The following NOC2L variants were observed in gnomAD, a reference collection of about 807,000 sequenced individuals.
The protein encoded by NOC2L is NOC2 like nucleolar associated transcriptional repressor.
NOC2L carries 101 observed loss-of-function variants against 94.2 expected under a neutral mutation model. That is an observed-to-expected ratio of 1.07 (90% CI 0.91 to 1.26). NOC2L has a LOEUF of 1.26. NOC2L is among the 50% of genes most tolerant of loss of function. The pLI is 0.00. For missense variants in NOC2L, 1,076 were observed against 980.1 expected (o/e 1.10, Z -1.31); for synonymous variants, 531 against 413.4 (o/e 1.28, Z -3.45).
At position 951,153 on chromosome 1, in the gene NOC2L, T is replaced by C. The variant is rs749112228; in HGVS notation, c.1417A>G (p.Ile473Val). ...TCCAGGATGAAAGGCAGCACCGGGA[T>C]GAAGGCCCCCGAGCTCCCCGAGAGC... ...TLLSGSSGAFIPVLPFILEMF... is the reference protein window; with the variant it reads ...TLLSGSSGAFVPVLPFILEMF... Residue 473 changes from isoleucine (I) to valine (V), a missense_variant, in exon 12 of 19, where the codon ATC becomes GTC. Physicochemically the swap from Ile to Val is conservative, Grantham distance 29 (BLOSUM62 3). Transcript: ENST00000327044. The C allele has an allele frequency of 4.5e-5, 71 of 1,590,770 alleles. No individual in the cohort carries two copies. The South Asian group carries it at 7.9e-4, about 18-fold the overall frequency.
At chr1:956,054 C>T (rs375103488) in intron 5 of NOC2L, 41 bp from the exon 6 acceptor site, 57 of 1,614,080 alleles carry the variant, frequency 3.5e-5, no homozygotes, top group South Asian at 2.7e-4. Context: ...GGACAGAGAA[C>T]GCAACAGACA....
rs1642323898 is a variant in NOC2L at position 953,782 on chromosome 1, C to T, written c.888G>A (p.Lys296=). The change falls in exon 8 of 19, where the codon AAG becomes AAA. Residue 296 remains lysine (K), a splice_region_variant and synonymous_variant. Coordinates refer to ENST00000327044, the MANE Select transcript of NOC2L (RefSeq NM_015658.4). ...TFPKQCRMLL[K]RMVIVWSTGE... is the part of the protein sequence containing the mutation. ...ACAGGGAGGGGACTGGGCCACGAACCTTGAGCAGCATGCGGCACTGCTTGG... is the reference window on the plus strand; with the variant it reads ...ACAGGGAGGGGACTGGGCCACGAACTTTGAGCAGCATGCGGCACTGCTTGG... 2.5e-6 allele frequency: 4 copies of T among 1,610,238 alleles called. 1 individual carries two copies. In the South Asian group the frequency reaches 3.3e-5, roughly 13 times the overall value.
At position 956,007 on chromosome 1, in the gene NOC2L, T is replaced by C. The variant is rs779047181; in HGVS notation, c.614A>G (p.Asn205Ser). The stretch of plus-strand genomic sequence containing the variant: ...TCTGATGCAGAAGGTAACCAGAGCA[T>C]TGAATGCTGCAACGAAAAGGCCTGG... ...KFQVTDSAAF[N>S]ALVTFCIRDL... is the part of the protein sequence containing the mutation. Residue 205 changes from asparagine (N) to serine (S), a missense_variant, in exon 6 of 19, where the codon AAT becomes AGT. By Grantham distance (46) the Asn-to-Ser change is conservative (BLOSUM62 1). This residue lies in a region of NOC2L where 457 missense variants were observed against 386.0 expected (regional missense o/e 1.18). Transcript: ENST00000327044. The C allele has an allele frequency of 1.2e-6, 2 of 1,613,528 alleles. No homozygotes were observed. Among genetic ancestry groups the C allele is most frequent in the African/African-American group, 1.3e-5 (1 of 74,848 alleles).
At chr1:955,884 ACCTTCCACCCTACCCC>A in intron 6 of NOC2L, 23 bp downstream of exon 6, 1 of 1,462,846 alleles carries the variant, frequency 6.8e-7, no homozygotes, top group Non-Finnish European at 9.6e-7. Context: ...GTCCCGACCC[ACCTTCCACCCTACCCC>A]CCTTCACCCC....
At chr1:951,303 T>A (rs1642255141) in intron 11 of NOC2L, 65 bp from the exon 12 acceptor site, 1 of 1,259,664 alleles carries the variant, frequency 7.9e-7, no homozygotes, top group Non-Finnish European at 1.1e-6. Context: ...CTCCCCCTGC[T>A]GTCTTGGACC....
chr1:957,477 C>A (rs1377731075), intron 2 of NOC2L: 2 of 585,408 alleles, frequency 3.4e-6, no homozygotes, highest in Non-Finnish European at 3.0e-6. Context: ...GCCCCCCAGC[C>A]GCGGTCTTCC....
rs1356907049 is a variant in NOC2L, at chr1:945,533, C to T, written c.2038G>A (p.Gly680Arg). 3 of 1,613,886 alleles carry T rather than the reference C, an allele frequency of 1.9e-6. No individual in the cohort carries two copies. The highest frequency in any genetic ancestry group is 4.5e-5 in the East Asian group (2 of 44,888). Residue 680 changes from glycine (G) to arginine (R), a missense_variant, in exon 17 of 19, where the codon GGA becomes AGA. This residue lies in a region of NOC2L where 615 missense variants were observed against 577.4 expected (regional missense o/e 1.07). Transcript: ENST00000327044. The stretch of plus-strand genomic sequence containing the variant: ...CAGGCCCCACCTCTCTCCGAGAATC[C>T]CTCGGTGTCGTCCTCTTCAGAGCTG... ...LNSSEEDDTE[G>R]FSERGILRPL...
chr1:957,204 G>A lies in NOC2L; in HGVS notation c.249C>T (p.Phe83=). 2 of 1,613,982 alleles carry A rather than the reference G, an allele frequency of 1.2e-6. No individual in the cohort carries two copies. The highest frequency in any genetic ancestry group is 1.7e-6 in the Non-Finnish European group (2 of 1,180,030). ...LSRLKDRDPE[F]YKFLQENDQS... Reference sequence around the variant, plus strand: ...GGTCATTCTCCTGCAGGAACTTGTAGAACTCGGGGTCTCTGTCCTTCAGCC... The same window carrying A: ...GGTCATTCTCCTGCAGGAACTTGTAAAACTCGGGGTCTCTGTCCTTCAGCC... The change falls in exon 3 of 19, where the codon TTC becomes TTT. Residue 83 remains phenylalanine (F), a synonymous_variant. Transcript: ENST00000327044.
chr1:948,283 G>GCCCCTTC, intron 13 of NOC2L, 51 bp from the exon 14 acceptor site: 1 of 1,441,370 alleles, frequency 6.9e-7, no homozygotes, highest in South Asian at 1.2e-5. Flanking sequence ...CTGGGGCTGG[G>GCCCCTTC]CACTCAGGCC....
chr1:946,799 T>C, intron 14 of NOC2L: 1 of 410,976 alleles, frequency 2.4e-6, no homozygotes, highest in Non-Finnish European at 4.5e-6. Context: ...GGCTCTCGCC[T>C]GTAATCCCAG....
At chr1:949,581 G>A (rs1018497357) in intron 12 of NOC2L, among the ~76,000 whole-genome samples, 1 of 152,210 alleles carries the variant, frequency 6.6e-6, no homozygotes, top group South Asian at 2.1e-4. Context: ...GGCCTACAGG[G>A]TGCGGCTGCA....
In NOC2L at chr1:957,190, T is replaced by C. The variant is rs375122790; in HGVS notation, c.263A>G (p.Gln88Arg). 11 of 1,614,044 alleles carry C rather than the reference T, an allele frequency of 6.8e-6. No individual in the cohort carries two copies. Among genetic ancestry groups the C allele is most frequent in the Non-Finnish European group, 9.3e-6 (11 of 1,180,036 alleles). Reference sequence around the variant, plus strand: ...GTTTAGCAGGCTCTGGTCATTCTCCTGCAGGAACTTGTAGAACTCGGGGTC... The same window carrying C: ...GTTTAGCAGGCTCTGGTCATTCTCCCGCAGGAACTTGTAGAACTCGGGGTC... ...DRDPEFYKFL[Q>R]ENDQSLLNFS... Residue 88 changes from glutamine (Q) to arginine (R), a missense_variant, in exon 3 of 19, where the codon CAG becomes CGG. By Grantham distance (43) the Gln-to-Arg change is conservative. This residue lies in a region of NOC2L where 457 missense variants were observed against 386.0 expected (regional missense o/e 1.18). Coordinates refer to ENST00000327044, the MANE Select transcript of NOC2L (RefSeq NM_015658.4).
At position 944,230 on chromosome 1, in the gene NOC2L, C is replaced by T; in HGVS notation, c.*464G>A. On this transcript the variant is annotated 3_prime_UTR_variant, in exon 19 of 19. Coordinates refer to ENST00000327044, the MANE Select transcript of NOC2L (RefSeq NM_015658.4). ...AACACAATGGCCCTGCCTCCCACCG[C>T]TTTATTTCTTTCGGTTTCGGATGCA... 1 of 1,458,972 alleles carries T rather than the reference C, an allele frequency of 6.9e-7. No homozygotes were observed. Among genetic ancestry groups the T allele is most frequent in the Non-Finnish European group, 9.0e-7 (1 of 1,106,620 alleles). 90.4% of individuals were successfully genotyped at this position (1,458,972 alleles called of 1,614,324 possible).
intron 10 of NOC2L, 125 bp from the exon 11 acceptor site, chr1:952,264 TCCC>T: frequency 7.2e-7 from 1 of 1,393,616 alleles, no homozygotes; most frequent in Non-Finnish European, 9.9e-7. Context: ...CATCCACCCT[TCCC>T]CCACCTGCAA....
intron 9 of NOC2L, 117 bp from the exon 10 acceptor site, chr1:952,717 G>T: frequency 3.9e-6 from 4 of 1,022,092 alleles, no homozygotes; most frequent in South Asian, 1.4e-5. Flanking sequence ...TCGAGGAAGA[G>T]CCGTAGCCCC....
rs1642119741 is a variant in NOC2L, at chr1:946,430, G to A, written c.1775C>T (p.Ser592Phe). Residue 592 changes from serine (S) to phenylalanine (F), a missense_variant, in exon 15 of 19, where the codon TCC becomes TTC. Transcript: ENST00000327044. ...TGCCTGCTGCTCAGAGACGCCGAAG[G>A]AAACCCTCTGGCGGCGGCTGCAGAT... ...AYICSRRQRV[S>F]FGVSEQQAVE... 5 of 1,613,530 alleles carry A rather than the reference G, an allele frequency of 3.1e-6. No individual in the cohort carries two copies. Among genetic ancestry groups the A allele is most frequent in the Non-Finnish European group, 4.2e-6 (5 of 1,180,016 alleles).
In NOC2L at chr1:944,336, C is replaced by G; in HGVS notation, c.*358G>C. ...AGACTTGGGGGAGTGAAGGCAGAGC[C>G]TGGTGCAGATGGACGAGGTCTGCAG... is the stretch of plus-strand genomic sequence containing the variant. On this transcript the variant is annotated 3_prime_UTR_variant, in exon 19 of 19. Coordinates refer to ENST00000327044, the MANE Select transcript of NOC2L (RefSeq NM_015658.4). 1 of 1,381,222 alleles carries G rather than the reference C, an allele frequency of 7.2e-7. No homozygotes were observed. The highest frequency in any genetic ancestry group is 1.9e-5 in the South Asian group (1 of 53,626). 85.6% of individuals were successfully genotyped at this position (1,381,222 alleles called of 1,614,324 possible).
chr1:957,324 C>T (rs747727015), intron 2 of NOC2L, 51 bp from the exon 3 acceptor site: 17 of 1,571,664 alleles, frequency 1.1e-5, no homozygotes, highest in South Asian at 9.0e-5. Flanking sequence ...GTAGAGGGGG[C>T]GGGGAGTGGC....
chr1:950,468 T>TACAGGTACAC (rs535039160), intron 12 of NOC2L, among the ~76,000 whole-genome samples: 1 of 150,254 alleles, frequency 6.7e-6, no homozygotes, highest in Non-Finnish European at 1.5e-5. Flanking sequence ...TGTGCATGCA[T>TACAGGTACAC]ACAGGTACAC....
Sources: gnomAD v4.1 joint callset for allele counts (sites outside exome capture counted in the v4.1 genomes callset) on GRCh38, gnomAD v4.1.1 for gene constraint, gnomAD v4.1.1 regional missense constraint, MANE v1.5 for transcripts, NCBI Gene and HGNC (gene_info 2026-07-23, HGNC 2026-07-21) for gene names.